FCHSD2: variants seen among roughly 807,000 people sequenced by gnomAD.
FCHSD2 encodes F-BAR and double SH3 domains protein 2.
In FCHSD2, 38 loss-of-function variants were observed where a neutral mutation model predicts 108.1. The ratio of observed to expected loss-of-function variants is 0.35; its 90% confidence interval spans 0.27 to 0.46. The LOEUF (loss-of-function observed/expected upper bound fraction) is 0.46, where lower values mean the gene tolerates loss of function less well. Among genes scored for constraint, FCHSD2 ranks in the 20% least tolerant of loss-of-function variants. The pLI, the probability that FCHSD2 is intolerant of heterozygous loss-of-function variation, is 1.00. For synonymous variants in FCHSD2, 279 were observed against 314.7 expected (o/e 0.89, Z 1.20); for missense variants, 751 against 897.8 (o/e 0.84, Z 2.09).
chr11:72,968,878 G>A (rs189683307), intron 8 of FCHSD2, among the ~76,000 whole-genome samples: 1 of 152,118 alleles, frequency 6.6e-6, no homozygotes, highest in Non-Finnish European at 1.5e-5. Flanking sequence ...AACATTAAAA[G>A]ATATTTCTAT....
intron 8 of FCHSD2, among the ~76,000 whole-genome samples, chr11:72,954,210 T>A (rs1318442229): frequency 1.4e-5 from 2 of 141,114 alleles, no homozygotes; most frequent in Non-Finnish European, 3.1e-5. Context: ...TTTTTTTTTT[T>A]TTTTTTTTTT....
At chr11:72,981,002 A>G (rs72981544) in intron 8 of FCHSD2, among the ~76,000 whole-genome samples, 2,122 of 152,270 alleles carry the variant, frequency 0.014, 29 homozygotes, top group Middle Eastern at 0.037. Flanking sequence ...TTAATTCAGA[A>G]AAACAGATAT....
chr11:73,096,120 AGAG>A (rs1163701481), intron 2 of FCHSD2, among the ~76,000 whole-genome samples: 1 of 152,292 alleles, frequency 6.6e-6, no homozygotes, highest in Non-Finnish European at 1.5e-5. Context: ...AAAATTTTTA[AGAG>A]AAGAAGAAAC....
At chr11:73,125,229 T>C (rs1860824862) in intron 2 of FCHSD2, among the ~76,000 whole-genome samples, 1 of 152,236 alleles carries the variant, frequency 6.6e-6, no homozygotes, top group Non-Finnish European at 1.5e-5. Flanking sequence ...GATTAGTAAA[T>C]ATAAGACTTT....
chr11:73,062,933 T>C lies in FCHSD2; in HGVS notation c.165+20762A>G, dbSNP rs145316351. On this transcript the variant is annotated intron_variant, in intron 3 of 19. Coordinates refer to ENST00000409418, the MANE Select transcript of FCHSD2 (RefSeq NM_014824.3). ...CCAATATTCAAATTCAGGAAATACA[T>C]AGAACACCACAAAGATACTCCTCAA... Among the ~76,000 whole-genome samples the C allele has an allele frequency of 5.3e-3, 803 of 152,138 alleles. 2 individuals are homozygous for C. Among genetic ancestry groups the C allele is most frequent in the African/African-American group, 0.018 (767 of 41,510 alleles).
chr11:72,850,435 G>A (rs1861255350), intron 13 of FCHSD2, among the ~76,000 whole-genome samples: 1 of 151,270 alleles, frequency 6.6e-6, no homozygotes, highest in South Asian at 2.1e-4. Context: ...TGAGTGTAGT[G>A]GCGTGATCTC....
intron 8 of FCHSD2, among the ~76,000 whole-genome samples, chr11:72,965,773 T>C (rs1477503671): frequency 6.6e-6 from 1 of 152,248 alleles, no homozygotes; most frequent in Non-Finnish European, 1.5e-5. Flanking sequence ...TAGTTTTGCA[T>C]GTTCTTAAGT....
chr11:73,091,431 C>T (rs1179758534), intron 2 of FCHSD2, among the ~76,000 whole-genome samples: 1 of 151,998 alleles, frequency 6.6e-6, no homozygotes, highest in Non-Finnish European at 1.5e-5. Context: ...TGCCTGTAAT[C>T]CCAGCTACAT....
intron 8 of FCHSD2, among the ~76,000 whole-genome samples, chr11:72,975,313 T>C (rs985063063): frequency 6.6e-6 from 1 of 152,166 alleles, no homozygotes; most frequent in African/African-American, 2.4e-5. Flanking sequence ...TTTGGATATA[T>C]ATCCAGCAGT....
chr11:73,057,015 G>A (rs370979720), intron 3 of FCHSD2, among the ~76,000 whole-genome samples: 1 of 150,982 alleles, frequency 6.6e-6, no homozygotes. Flanking sequence ...CCCAGGAGGC[G>A]GAGCTTGCAG....
At chr11:72,926,278 A>T (rs927286128) in intron 8 of FCHSD2, among the ~76,000 whole-genome samples, 2 of 152,110 alleles carry the variant, frequency 1.3e-5, no homozygotes, top group African/African-American at 4.8e-5. Context: ...CCCATAGACC[A>T]ATCCACACAC....
chr11:73,093,863 C>T (rs946905359), intron 2 of FCHSD2, among the ~76,000 whole-genome samples: 4 of 152,064 alleles, frequency 2.6e-5, no homozygotes, highest in Admixed American at 1.3e-4. Context: ...CCTCGGCCTC[C>T]CAAAGTGTTG....
chr11:73,044,221 C>T (rs939137983), intron 3 of FCHSD2, among the ~76,000 whole-genome samples: 1 of 152,056 alleles, frequency 6.6e-6, no homozygotes, highest in Non-Finnish European at 1.5e-5. Flanking sequence ...CTGTAAAATT[C>T]TATGATTATT....
chr11:72,925,485 C>T (rs1478756377), intron 8 of FCHSD2, among the ~76,000 whole-genome samples: 2 of 152,114 alleles, frequency 1.3e-5, no homozygotes, highest in African/African-American at 2.4e-5. Context: ...ATGATCGTGC[C>T]ACTGCACCCC....
At chr11:73,097,615 CTTTT>C (rs200159157) in intron 2 of FCHSD2, among the ~76,000 whole-genome samples, 2 of 95,312 alleles carry the variant, frequency 2.1e-5, no homozygotes, top group African/African-American at 3.7e-5. Flanking sequence ...GTGAGGTGTT[CTTTT>C]TTTTTTTTTT....
At chr11:72,972,125 G>A (rs932888521) in intron 8 of FCHSD2, among the ~76,000 whole-genome samples, 2 of 152,014 alleles carry the variant, frequency 1.3e-5, no homozygotes, top group South Asian at 4.2e-4. Flanking sequence ...CAATACTCTC[G>A]TTAATAGTTT....
chr11:73,113,847 G>T (rs533718393), intron 2 of FCHSD2, among the ~76,000 whole-genome samples: 1 of 152,272 alleles, frequency 6.6e-6, no homozygotes, highest in Admixed American at 6.5e-5. Context: ...ACTTGTAGTG[G>T]TACTGCCTTA....
intron 2 of FCHSD2, among the ~76,000 whole-genome samples, chr11:73,108,397 CT>C (rs1425994345): frequency 2.0e-5 from 3 of 152,200 alleles, no homozygotes; most frequent in Non-Finnish European, 4.4e-5. Context: ...TGTACATAAG[CT>C]TTTTCACTTC....
chr11:73,140,075 A>G lies in FCHSD2; in HGVS notation c.75T>C (p.Leu25=). ...CACATTCTGCTTGATGTTTGGCTTG[A>G]AGTTTTGTCATCTGCTCAACTTGAA... ...KNIQVEQMTK[L]QAKHQAECDL... Residue 25 remains leucine, a synonymous_variant, in exon 2 of 20, where the codon CTT becomes CTC. Transcript: ENST00000409418. 6.5e-7 allele frequency: 1 copy of G among 1,549,406 alleles called. No individual in the cohort carries two copies. Among genetic ancestry groups the G allele is most frequent in the South Asian group, 1.2e-5 (1 of 83,412 alleles).
Sources: allele counts gnomAD v4.1 joint callset (sites outside exome capture counted in the v4.1 genomes callset), GRCh38; gene constraint gnomAD v4.1.1; transcripts MANE v1.5; gene names NCBI Gene and HGNC (gene_info 2026-07-23, HGNC 2026-07-21).